The following PRKG1 variants were observed in gnomAD, a reference collection of about 807,000 sequenced individuals.
The protein encoded by PRKG1 is cGMP-dependent protein kinase 1.
PRKG1 carries 35 observed loss-of-function variants against 88.1 expected under a neutral mutation model. That is an observed-to-expected ratio of 0.40 (90% CI 0.30 to 0.53). The LOEUF (loss-of-function observed/expected upper bound fraction) is 0.53, where lower values mean the gene tolerates loss of function less well. Ranked by LOEUF, PRKG1 falls within the 20% of genes least tolerant of loss-of-function variation. The pLI is 0.59. For synonymous variants in PRKG1, 303 were observed against 292.5 expected, an observed-to-expected ratio of 1.04 and a Z score of -0.37; for missense variants, 540 against 839.8, an observed-to-expected ratio of 0.64 and a Z score of 4.41.
chr10:52,019,948 AC>A (rs1845140256), intron 5 of PRKG1, among the ~76,000 whole-genome samples: 1 of 152,194 alleles, frequency 6.6e-6, no homozygotes, highest in Non-Finnish European at 1.5e-5. Context: ...GTCTCTGAGG[AC>A]AAAGGCAAAC....
chr10:51,454,678 G>T (rs1273316176), intron 2 of PRKG1, among the ~76,000 whole-genome samples: 1 of 152,164 alleles, frequency 6.6e-6, no homozygotes. Context: ...AAGAGAAACT[G>T]AGAGCCCAGT....
At chr10:52,264,416 T>C (rs1260708387) in intron 10 of PRKG1, among the ~76,000 whole-genome samples, 1 of 152,024 alleles carries the variant, frequency 6.6e-6, no homozygotes, top group Non-Finnish European at 1.5e-5. Flanking sequence ...TTTTTTCTTC[T>C]TTTCTTCCTT....
rs1368497375 is a variant in PRKG1 at position 51,024,411 on chromosome 10, A to G, written c.266+32767A>G. Among the ~76,000 whole-genome samples the G allele has an allele frequency of 2.6e-5, 4 of 152,280 alleles. No individual in the cohort carries two copies. In the East Asian group the frequency reaches 7.7e-4, roughly 29 times the overall value. The stretch of plus-strand genomic sequence containing the variant: ...TTCCTCATATGAACATAATGATAGT[A>G]GTCATGTTCATTAAGCTTGTACTAA... On this transcript the variant is annotated intron_variant, in intron 1 of 17. Coordinates refer to the PRKG1 transcript ENST00000401604.
chr10:51,127,716 C>T (rs1240581766), intron 1 of PRKG1, among the ~76,000 whole-genome samples: 1 of 152,162 alleles, frequency 6.6e-6, no homozygotes, highest in Non-Finnish European at 1.5e-5. Context: ...CCCAAATGCC[C>T]ACCAAGGATA....
At chr10:51,755,494 A>G (rs1837836501) in intron 3 of PRKG1, among the ~76,000 whole-genome samples, 1 of 152,176 alleles carries the variant, frequency 6.6e-6, no homozygotes, top group South Asian at 2.1e-4. Context: ...TAGCAACAGC[A>G]GCAGCAGCAA....
intron 9 of PRKG1, among the ~76,000 whole-genome samples, chr10:52,188,266 A>G (rs868019238): frequency 2.0e-4 from 1 of 4,882 alleles, no homozygotes; most frequent in African/African-American, 2.7e-4. Context: ...ATATATACAT[A>G]TGTATATATA....
At chr10:51,751,086 C>T (rs1325777011) in intron 3 of PRKG1, among the ~76,000 whole-genome samples, 1 of 152,140 alleles carries the variant, frequency 6.6e-6, no homozygotes, top group African/African-American at 2.4e-5. Flanking sequence ...CTCTCCATGT[C>T]CTTTTCCCTC....
At chr10:51,606,569 A>G (rs1431707443) in intron 3 of PRKG1, among the ~76,000 whole-genome samples, 1 of 152,224 alleles carries the variant, frequency 6.6e-6, no homozygotes, top group Non-Finnish European at 1.5e-5. Context: ...CAAAAGGGGT[A>G]AATCAGAGGC....
upstream of PRKG1, among the ~76,000 whole-genome samples, chr10:51,069,696 A>G (rs1020748469): frequency 2.0e-5 from 3 of 152,116 alleles, no homozygotes; most frequent in Non-Finnish European, 2.9e-5. Flanking sequence ...ATCATTACAG[A>G]TCTTCCTTGG....
chr10:51,866,149 TA>T (rs1282102519), intron 4 of PRKG1, among the ~76,000 whole-genome samples: 4 of 151,802 alleles, frequency 2.6e-5, no homozygotes, highest in African/African-American at 9.7e-5. Context: ...TATTTTTGCT[TA>T]TGAGATATAT....
At chr10:52,025,000 G>T (rs9665613) in intron 5 of PRKG1, among the ~76,000 whole-genome samples, 151,597 of 152,316 alleles carry the variant, frequency 1, 75,443 homozygotes, top group Middle Eastern at 1. Flanking sequence ...TCTTGTTTCC[G>T]GACTTTTTAA....
chr10:51,675,131 A>C (rs1840677797), intron 3 of PRKG1, among the ~76,000 whole-genome samples: 1 of 152,190 alleles, frequency 6.6e-6, no homozygotes. Context: ...TTATAGCTGT[A>C]ATCCTTCAAA....
At chr10:51,399,501 A>T (rs1024960213) in intron 2 of PRKG1, among the ~76,000 whole-genome samples, 15 of 152,220 alleles carry the variant, frequency 9.9e-5, no homozygotes, top group Admixed American at 9.8e-4. Context: ...TGTCATTTGG[A>T]GAATCTTTCC....
chr10:51,080,075 T>C (rs1399113959), intron 1 of PRKG1, among the ~76,000 whole-genome samples: 1 of 152,214 alleles, frequency 6.6e-6, no homozygotes, highest in Admixed American at 6.5e-5. Context: ...GTTATTCTAA[T>C]AGAGTTTCTA....
At chr10:51,631,993 T>C (rs1045759998) in intron 3 of PRKG1, among the ~76,000 whole-genome samples, 6 of 152,208 alleles carry the variant, frequency 3.9e-5, no homozygotes, top group African/African-American at 1.4e-4. Flanking sequence ...AACATCTAAA[T>C]GAAGCTTGTC....
chr10:51,413,133 T>C (rs1408187494), intron 2 of PRKG1, among the ~76,000 whole-genome samples: 1 of 152,230 alleles, frequency 6.6e-6, no homozygotes, highest in Non-Finnish European at 1.5e-5. Flanking sequence ...AAATGACAAA[T>C]ATGATTTGCT....
intron 7 of PRKG1, among the ~76,000 whole-genome samples, chr10:52,091,275 T>C (rs889204454): frequency 1.3e-5 from 2 of 152,220 alleles, no homozygotes; most frequent in African/African-American, 2.4e-5. Context: ...TATTCCCTTG[T>C]TTAGAATCTG....
intron 4 of PRKG1, among the ~76,000 whole-genome samples, chr10:51,869,050 C>T (rs962921215): frequency 1.8e-4 from 28 of 152,090 alleles, no homozygotes; most frequent in African/African-American, 5.8e-4. Flanking sequence ...TTTTCTTTTA[C>T]GGACTGATTG....
chr10:52,091,635 G>A (rs1294706921), intron 7 of PRKG1, among the ~76,000 whole-genome samples: 2 of 152,150 alleles, frequency 1.3e-5, no homozygotes, highest in African/African-American at 2.4e-5. Context: ...CAAACAGTAT[G>A]GGCCATCATG....
Sources: gnomAD v4.1 joint callset for allele counts (sites outside exome capture counted in the v4.1 genomes callset) on GRCh38, gnomAD v4.1.1 for gene constraint, MANE v1.5 for transcripts, NCBI Gene and HGNC (gene_info 2026-07-23, HGNC 2026-07-21) for gene names.